AGBL4: variants seen among roughly 807,000 people sequenced by gnomAD.
AGBL4 encodes the protein AGBL carboxypeptidase 4.
Under a neutral mutation model 66.4 loss-of-function variants are expected in AGBL4, and 58 were observed. The observed-to-expected ratio is 0.87, with a 90% CI of 0.71 to 1.09. AGBL4 has a LOEUF of 1.09. Ranked by LOEUF, AGBL4 falls within the 50% of genes least tolerant of loss-of-function variation. The pLI is 0.00. For synonymous variants in AGBL4, 234 were observed against 222.9 expected (o/e 1.05, Z -0.44); for missense variants, 579 against 631.0 (o/e 0.92, Z 0.88).
At chr1:48,959,568 C>A (rs929475518) in intron 5 of AGBL4, among the ~76,000 whole-genome samples, 5 of 152,088 alleles carry the variant, frequency 3.3e-5, no homozygotes, top group African/African-American at 1.2e-4. Context: ...CTAAAGGGGT[C>A]AAGCCCCTAA....
At chr1:49,015,650 T>G (rs1662764861) in intron 5 of AGBL4, among the ~76,000 whole-genome samples, 1 of 151,956 alleles carries the variant, frequency 6.6e-6, no homozygotes, top group African/African-American at 2.4e-5. Context: ...GGTCTCGATC[T>G]CCTGACCTCG....
intron 3 of AGBL4, 133 bp downstream of exon 3, chr1:49,697,180 C>A (rs1235375168): frequency 1.4e-5 from 15 of 1,083,048 alleles, no homozygotes; most frequent in African/African-American, 3.2e-5. Context: ...TCTCTTGAAC[C>A]AAAACTGTAT....
intron 4 of AGBL4, among the ~76,000 whole-genome samples, chr1:49,059,203 C>T (rs188490115): frequency 6.6e-6 from 1 of 152,310 alleles, no homozygotes; most frequent in East Asian, 1.9e-4. Context: ...GGCCCAGGGA[C>T]CCCTGCTCTG....
chr1:49,483,089 T>G (rs372822442), intron 3 of AGBL4, among the ~76,000 whole-genome samples: 1 of 152,192 alleles, frequency 6.6e-6, no homozygotes, highest in East Asian at 1.9e-4. Context: ...AGAATGTATA[T>G]TCTGTTATTT....
intron 1 of AGBL4, among the ~76,000 whole-genome samples, chr1:49,935,343 G>A (rs1653860038): frequency 6.6e-6 from 1 of 152,226 alleles, no homozygotes; most frequent in Non-Finnish European, 1.5e-5. Context: ...GCTCGAACTG[G>A]GTGGAGCCCA....
chr1:49,031,278 G>A (rs1301689025), intron 5 of AGBL4, among the ~76,000 whole-genome samples: 1 of 151,576 alleles, frequency 6.6e-6, no homozygotes, highest in Non-Finnish European at 1.5e-5. Context: ...TGTAGAGATG[G>A]GATTTTGCCA....
intron 5 of AGBL4, among the ~76,000 whole-genome samples, chr1:49,015,308 A>G (rs1662732755): frequency 6.6e-6 from 1 of 152,164 alleles, no homozygotes; most frequent in Admixed American, 6.5e-5. Flanking sequence ...GGTTTGAGAA[A>G]GGTGAAATGA....
chr1:49,171,541 T>C (rs1646738754), intron 4 of AGBL4, among the ~76,000 whole-genome samples: 2 of 152,176 alleles, frequency 1.3e-5, no homozygotes, highest in South Asian at 2.1e-4. Flanking sequence ...AAACGAGTGA[T>C]GTAGGAGAAT....
At chr1:49,930,936 T>C (rs1471764411) in intron 1 of AGBL4, among the ~76,000 whole-genome samples, 2 of 152,112 alleles carry the variant, frequency 1.3e-5, no homozygotes, top group African/African-American at 2.4e-5. Flanking sequence ...TTTAAAAGCA[T>C]CCTGATTTGA....
intron 2 of AGBL4, among the ~76,000 whole-genome samples, chr1:49,799,712 AC>A (rs908488634): frequency 1.3e-5 from 2 of 152,190 alleles, no homozygotes; most frequent in Non-Finnish European, 2.9e-5. Context: ...AAAGATGGTC[AC>A]ATACCATATG....
chr1:48,720,495 AT>A (rs2148531809), intron 6 of AGBL4, among the ~76,000 whole-genome samples: 1 of 152,364 alleles, frequency 6.6e-6, no homozygotes, highest in East Asian at 1.9e-4. Flanking sequence ...GCTCCTCCAG[AT>A]CACAGCTGTG....
intron 6 of AGBL4, among the ~76,000 whole-genome samples, chr1:48,839,395 TAAAG>T (rs1646749893): frequency 6.6e-6 from 1 of 151,768 alleles, no homozygotes; most frequent in Admixed American, 6.6e-5. Context: ...CTTTTTGACA[TAAAG>T]AAGAATGAAA....
At chr1:48,563,958 C>T (rs543848577) in intron 11 of AGBL4, among the ~76,000 whole-genome samples, 1 of 152,326 alleles carries the variant, frequency 6.6e-6, no homozygotes, top group East Asian at 1.9e-4. Flanking sequence ...GTCAAATATG[C>T]AGCCAGTGCT....
intron 7 of AGBL4, among the ~76,000 whole-genome samples, chr1:48,657,380 C>A (rs1646037571): frequency 6.6e-6 from 1 of 152,148 alleles, no homozygotes; most frequent in South Asian, 2.1e-4. Context: ...AACCTGAAGG[C>A]AACTATAGAG....
At chr1:49,602,567 T>C (rs1056761409) in intron 3 of AGBL4, among the ~76,000 whole-genome samples, 2 of 152,002 alleles carry the variant, frequency 1.3e-5, no homozygotes, top group African/African-American at 4.8e-5. Context: ...CTGGAAACCA[T>C]GATTCTCAGC....
chr1:48,716,276 T>A (rs1189100729), intron 6 of AGBL4, among the ~76,000 whole-genome samples: 3 of 151,942 alleles, frequency 2.0e-5, no homozygotes, highest in Non-Finnish European at 4.4e-5. Context: ...GAGGGGGAGA[T>A]CTCTGACTTC....
At chr1:49,082,579 C>T (rs540839205) in intron 4 of AGBL4, among the ~76,000 whole-genome samples, 1 of 152,296 alleles carries the variant, frequency 6.6e-6, no homozygotes, top group African/African-American at 2.4e-5. Flanking sequence ...AAAACTGCTA[C>T]CATGATTCAA....
At chr1:49,507,592 GT>G (rs1648816710) in intron 3 of AGBL4, among the ~76,000 whole-genome samples, 1 of 151,866 alleles carries the variant, frequency 6.6e-6, no homozygotes, top group Admixed American at 6.6e-5. Flanking sequence ...TAAACCTAGA[GT>G]TGGAAGCTGC....
At chr1:49,021,282 A>G (rs1265938995) in intron 5 of AGBL4, among the ~76,000 whole-genome samples, 2 of 152,174 alleles carry the variant, frequency 1.3e-5, no homozygotes. Context: ...ACCTATTTTT[A>G]ATTATAAAGA....
Sources: allele counts gnomAD v4.1 joint callset (sites outside exome capture counted in the v4.1 genomes callset), GRCh38; gene constraint gnomAD v4.1.1; transcripts MANE v1.5; gene names NCBI Gene and HGNC (gene_info 2026-07-23, HGNC 2026-07-21).